ACSS2: variants seen among roughly 807,000 people sequenced by gnomAD.
The protein encoded by ACSS2 is acyl-CoA synthetase short chain family member 2.
ACSS2 carries 58 observed loss-of-function variants against 90.6 expected under a neutral mutation model. That is an observed-to-expected ratio of 0.64 (90% CI 0.52 to 0.80). The LOEUF (loss-of-function observed/expected upper bound fraction) is 0.80. Ranked by LOEUF, ACSS2 falls within the 30% of genes least tolerant of loss-of-function variation. ACSS2 has a pLI of 0.00. For synonymous variants in ACSS2, 300 were observed against 330.9 expected (o/e 0.91, Z 1.01); for missense variants, 759 against 912.0 (o/e 0.83, Z 2.16).
At chr20:34,923,233 G>T (rs2081240199) in intron 13 of ACSS2, 90 bp from the exon 14 acceptor site, 2 of 962,178 alleles carry the variant, frequency 2.1e-6, no homozygotes, top group Admixed American at 2.0e-5. Context: ...CTTCATTCAG[G>T]ACACTTTCCC....
intron 7 of ACSS2, among the ~76,000 whole-genome samples, chr20:34,915,919 A>G (rs559193239): frequency 6.6e-6 from 1 of 152,298 alleles, no homozygotes; most frequent in African/African-American, 2.4e-5. Context: ...GAGTAAGTCA[A>G]TTCTCCCCTC....
At chr20:34,913,528 CG>C (rs753929913) in intron 4 of ACSS2, 32 bp downstream of exon 4, 177 of 1,143,806 alleles carry the variant, frequency 1.5e-4, no homozygotes, top group Middle Eastern at 6.1e-4. Context: ...AAGGGGCAGG[CG>C]GGGGGGTGGG....
intron 7 of ACSS2, among the ~76,000 whole-genome samples, chr20:34,916,548 A>G (rs2147084879): frequency 6.6e-6 from 1 of 152,326 alleles, no homozygotes; most frequent in East Asian, 1.9e-4. Flanking sequence ...TTCAGGCCAA[A>G]GGCTACTGGA....
At chr20:34,910,270 T>C (rs2080921120) in intron 2 of ACSS2, among the ~76,000 whole-genome samples, 1 of 152,192 alleles carries the variant, frequency 6.6e-6, no homozygotes, top group Non-Finnish European at 1.5e-5. Context: ...CATTCCACAC[T>C]AGTTGAATTA....
At position 34,879,496 on chromosome 20, in the gene ACSS2, GACACAC is replaced by G. The variant is rs11467604; in HGVS notation, c.178+2700_178+2705del. 5.6e-3 allele frequency among the ~76,000 whole-genome samples: 823 copies of G among 147,868 alleles called. 3 individuals carry two copies. Among genetic ancestry groups the G allele is most frequent in the African/African-American group, 0.016 (625 of 39,882 alleles). ...AAACTATGCCACTCATCCAGATTCT[GACACAC>G]ACACACACACACACACACACACACA... On this transcript the variant is annotated intron_variant, in intron 1 of 17. Transcript: ENST00000360596.
At chr20:34,888,067 CAAA>C (rs34578238) in intron 2 of ACSS2, among the ~76,000 whole-genome samples, 2 of 62,510 alleles carry the variant, frequency 3.2e-5, no homozygotes, top group African/African-American at 1.3e-4. Flanking sequence ...AAGACTCCAT[CAAA>C]AAAAAAAAAA....
intron 5 of ACSS2, 95 bp downstream of exon 5, chr20:34,913,920 G>C: frequency 3.5e-6 from 5 of 1,411,404 alleles, no homozygotes; most frequent in Non-Finnish European, 4.0e-6. Flanking sequence ...TCAGCATAGA[G>C]GGTAGAGACT....
rs1331221979 is a variant in ACSS2, at chr20:34,921,139, A to T, written c.1277A>T (p.Lys426Met). 6.2e-7 allele frequency: 1 copy of T among 1,614,168 alleles called. No homozygotes were observed. ...LMKFGDEPVT[K>M]HSRASLQVLG... ...AAGTTTGGAGATGAGCCTGTCACCA[A>T]GTGAGACCTCTTCCCAGTTGCTGCC... The change falls in exon 10 of 18, where the codon AAG becomes ATG. Residue 426 changes from lysine (K) to methionine (M), a missense_variant and splice_region_variant. Lys to Met is a moderately conservative substitution (Grantham distance 95, BLOSUM62 -1). Transcript: ENST00000360596.
Position 34,876,687 on chromosome 20 carries a change from C to T in ACSS2, c.42C>T (p.Ser14=), listed in dbSNP as rs965750662. The change falls in exon 1 of 18, where the codon AGC becomes AGT. Residue 14 remains serine (S), a synonymous_variant. Coordinates refer to ENST00000360596, the MANE Select transcript of ACSS2 (RefSeq NM_018677.4). ...PEERVRSGSG[S]RGQEEAGAGG... ...AGCGGGTCCGGAGCGGCAGCGGGAG[C>T]CGGGGCCAGGAGGAAGCTGGAGCCG... is the stretch of plus-strand genomic sequence containing the variant. 1 of 1,420,050 alleles carries T rather than the reference C, an allele frequency of 7.0e-7. No individual in the cohort carries two copies. Among genetic ancestry groups the T allele is most frequent in the Non-Finnish European group, 9.3e-7 (1 of 1,079,270 alleles). The allele number at this position is 1,420,050 out of a possible 1,614,324, so 88.0% of individuals were successfully genotyped here.
chr20:34,916,287 T>G (rs1427982104), intron 7 of ACSS2, among the ~76,000 whole-genome samples: 2 of 152,240 alleles, frequency 1.3e-5, no homozygotes, highest in African/African-American at 2.4e-5. Context: ...GGCTCTGCCA[T>G]CTGCTGCTGT....
chr20:34,921,724 T>G (rs1381934663), intron 12 of ACSS2, 62 bp from the exon 13 acceptor site: 2 of 1,608,848 alleles, frequency 1.2e-6, no homozygotes, highest in Non-Finnish European at 1.7e-6. Flanking sequence ...TGGGGCCCCT[T>G]GGGAGTTGAG....
At chr20:34,893,404 C>CCCA (rs2080383972) in intron 2 of ACSS2, among the ~76,000 whole-genome samples, 1 of 151,918 alleles carries the variant, frequency 6.6e-6, no homozygotes, top group Admixed American at 6.6e-5. Flanking sequence ...CAGAATTTTG[C>CCCA]TCTTGTTGCC....
chr20:34,927,303 G>T lies in ACSS2; in HGVS notation c.*89G>T. The T allele has an allele frequency of 6.5e-7, 1 of 1,542,084 alleles. No homozygotes were observed. The highest frequency in any genetic ancestry group is 1.1e-5 in the South Asian group (1 of 87,982). On this transcript the variant is annotated 3_prime_UTR_variant, in exon 18 of 18. Transcript: ENST00000360596. This position sits in a 1 kb window ranked among gnomAD's most constrained non-coding sequence, Gnocchi z 4.2. ...CTCAGGAGTGCTGAGGGCCAGTGTT[G>T]ACCCACACTACCCTCCCTTGACCAG...
rs1265669665 is a variant in ACSS2 at position 34,921,319 on chromosome 20, C to T, written c.1278-11C>T. Reference sequence around the variant, plus strand: ...CTCAGAGCCTTCCTCTCTCCCATTCCCCTGCCCCAGGCATAGCCGGGCATC... The same window carrying T: ...CTCAGAGCCTTCCTCTCTCCCATTCTCCTGCCCCAGGCATAGCCGGGCATC... On this transcript the variant is annotated splice_polypyrimidine_tract_variant and intron_variant, in intron 10 of 17. Coordinates refer to ENST00000360596, the MANE Select transcript of ACSS2 (RefSeq NM_018677.4). 1.2e-6 allele frequency: 2 copies of T among 1,614,002 alleles called. No individual in the cohort carries two copies. The highest frequency in any genetic ancestry group is 2.2e-5 in the East Asian group (1 of 44,884).
intron 7 of ACSS2, 130 bp downstream of exon 7, chr20:34,914,567 C>T (rs1425564571): frequency 2.5e-6 from 2 of 797,602 alleles, no homozygotes; most frequent in Non-Finnish European, 3.9e-6. Flanking sequence ...CTAGGAATGC[C>T]TCCTCTAGCA....
chr20:34,926,746 G>A (rs571661686), intron 16 of ACSS2, 131 bp from the exon 17 acceptor site: 2 of 804,968 alleles, frequency 2.5e-6, no homozygotes, highest in Non-Finnish European at 4.1e-6. Context: ...GAGAAGCAGT[G>A]AACCTGAGGC....
chr20:34,914,530 C>G (rs772780529), intron 7 of ACSS2, 93 bp downstream of exon 7: 7 of 1,125,292 alleles, frequency 6.2e-6, no homozygotes, highest in South Asian at 3.2e-5. Context: ...GCCTGCTCAT[C>G]AGTATACTGA....
At chr20:34,915,554 G>T (rs1441330894) in intron 7 of ACSS2, among the ~76,000 whole-genome samples, 1 of 152,174 alleles carries the variant, frequency 6.6e-6, no homozygotes, top group Non-Finnish European at 1.5e-5. Context: ...AACATTTACT[G>T]TGCAGGTAGC....
upstream of ACSS2, among the ~76,000 whole-genome samples, chr20:34,875,395 C>T (rs1352401480): frequency 3.9e-5 from 6 of 152,122 alleles, no homozygotes; most frequent in South Asian, 1.2e-3. Flanking sequence ...ATGGTGAAAT[C>T]CCATCTCTAC....
Sources: gnomAD v4.1 joint callset for allele counts (sites outside exome capture counted in the v4.1 genomes callset) on GRCh38, gnomAD v4.1.1 for gene constraint, Gnocchi (gnomAD v3.1) non-coding constraint, MANE v1.5 for transcripts, NCBI Gene and HGNC (gene_info 2026-07-23, HGNC 2026-07-21) for gene names.